Variants in FHIT observed in about 807,000 individuals in gnomAD.
FHIT encodes the protein bis(5'-adenosyl)-triphosphatase.
Under a neutral mutation model 17.9 loss-of-function variants are expected in FHIT, and 19 were observed. The ratio of observed to expected loss-of-function variants is 1.06; its 90% CI spans 0.74 to 1.56. FHIT has a LOEUF of 1.56. FHIT is among the 40% of genes most tolerant of loss of function. The probability of loss-of-function intolerance (pLI) is 0.00; values close to 1 mark genes in which losing one functional copy is unlikely to be tolerated. For missense variants in FHIT, 248 were observed against 189.2 expected (o/e 1.31, Z -1.82); for synonymous variants, 81 against 69.7 (o/e 1.16, Z -0.81).
intron 4 of FHIT, among the ~76,000 whole-genome samples, chr3:60,737,636 G>C (rs1553712932): frequency 6.6e-6 from 1 of 152,122 alleles, no homozygotes; most frequent in East Asian, 1.9e-4. Flanking sequence ...TGCATCGTAT[G>C]GTGCAATTCT....
At chr3:60,606,865 G>A (rs782169276) in intron 4 of FHIT, among the ~76,000 whole-genome samples, 6 of 152,028 alleles carry the variant, frequency 3.9e-5, no homozygotes, top group African/African-American at 1.5e-4. Context: ...TCTTGATTCT[G>A]TTAACTCCCC....
At chr3:60,741,268 C>G (rs1274929865) in intron 4 of FHIT, among the ~76,000 whole-genome samples, 1 of 152,212 alleles carries the variant, frequency 6.6e-6, no homozygotes, top group African/African-American at 2.4e-5. Context: ...TGTTTCAGCA[C>G]CTACTGTGTT....
intron 5 of FHIT, chr3:60,077,278 A>G (rs1403620090): frequency 6.6e-6 from 1 of 152,056 alleles, no homozygotes; most frequent in Non-Finnish European, 1.5e-5. Context: ...TATGTGTATA[A>G]GTACACATGC....
At chr3:60,051,258 C>T (rs1265913136) in intron 5 of FHIT, among the ~76,000 whole-genome samples, 3 of 151,520 alleles carry the variant, frequency 2.0e-5, no homozygotes, top group Non-Finnish European at 4.4e-5. Flanking sequence ...AATTTGAGTC[C>T]CTACCTAAGG....
At position 59,749,339 on chromosome 3, in the gene FHIT, G is replaced by T. The variant is rs912743855; in HGVS notation, c.*246C>A. ...AGCAGAGAAGGAAGTTTAATCATAA[G>T]GCTGCCGAATAAGGAGACAGGGGGA... On this transcript the variant is annotated 3_prime_UTR_variant, in exon 10 of 10. Transcript: ENST00000492590. 1.3e-5 allele frequency: 3 copies of T among 231,276 alleles called. No homozygotes were observed. In the Admixed American group the frequency reaches 1.7e-4, roughly 13 times the overall value. 14.3% of individuals were successfully genotyped at this position (231,276 alleles called of 1,614,324 possible).
chr3:60,213,707 T>A (rs1008711293), intron 5 of FHIT, among the ~76,000 whole-genome samples: 2 of 152,206 alleles, frequency 1.3e-5, no homozygotes, highest in Non-Finnish European at 2.9e-5. Context: ...GAAACCAGAA[T>A]TTTTATTGTA....
intron 5 of FHIT, among the ~76,000 whole-genome samples, chr3:60,280,127 T>C (rs1383937579): frequency 2.0e-5 from 3 of 149,278 alleles, no homozygotes; most frequent in Admixed American, 1.3e-4. Context: ...AGAAAAATCA[T>C]ATAATAGCAA....
chr3:60,642,737 G>A (rs74809729), intron 4 of FHIT, among the ~76,000 whole-genome samples: 1 of 151,746 alleles, frequency 6.6e-6, no homozygotes, highest in Non-Finnish European at 1.5e-5. Context: ...CACCTCCCCC[G>A]CTCCAGGGGT....
At chr3:59,952,141 A>C (rs1707147235) in intron 7 of FHIT, among the ~76,000 whole-genome samples, 1 of 152,048 alleles carries the variant, frequency 6.6e-6, no homozygotes, top group African/African-American at 2.4e-5. Context: ...ACTACCTTCT[A>C]CTTTAGCTAC....
intron 3 of FHIT, among the ~76,000 whole-genome samples, chr3:61,003,610 C>T (rs1243661751): frequency 1.3e-5 from 2 of 152,136 alleles, no homozygotes; most frequent in African/African-American, 2.4e-5. Flanking sequence ...AGGTAAAACA[C>T]GATTACCAGG....
In FHIT at chr3:60,536,903, T is replaced by C. The variant is rs909836947; in HGVS notation, c.60A>G (p.Glu20=). The change falls in exon 5 of 10, where the codon GAA becomes GAG. Residue 20 remains glutamate, a synonymous_variant. Transcript: ENST00000492590. ...IKPSVVFLKT[E]LSFALVNRKP... ...TCCTATTCACAAGAGCGAAGGACAG[T>C]TCTGTTTTGAGAAACACTACAGAGG... 6 of 1,613,334 alleles carry C rather than the reference T, an allele frequency of 3.7e-6. No homozygotes were observed. The highest frequency in any genetic ancestry group is 1.7e-5 in the Admixed American group (1 of 59,942).
chr3:60,323,988 G>A (rs17062756), intron 5 of FHIT, among the ~76,000 whole-genome samples: 1 of 149,350 alleles, frequency 6.7e-6, no homozygotes, highest in East Asian at 1.9e-4. Context: ...AGGTAGGGCA[G>A]TTTTTTTTAA....
At chr3:60,563,134 G>A (rs989858302) in intron 4 of FHIT, among the ~76,000 whole-genome samples, 12 of 152,302 alleles carry the variant, frequency 7.9e-5, no homozygotes, top group East Asian at 1.9e-4. Flanking sequence ...AGCCAAGCAA[G>A]CATGGAGAAA....
At chr3:60,578,446 C>CACACACACAA (rs1197033273) in intron 4 of FHIT, among the ~76,000 whole-genome samples, 1 of 147,150 alleles carries the variant, frequency 6.8e-6, no homozygotes, top group Non-Finnish European at 1.5e-5. Flanking sequence ...ACAAAACACA[C>CACACACACAA]ACACACACAC....
chr3:60,967,917 G>A (rs9879276), intron 3 of FHIT, among the ~76,000 whole-genome samples: 57,089 of 151,904 alleles, frequency 0.38, 11,991 homozygotes, highest in African/African-American at 0.57. Flanking sequence ...ATGCTAATTC[G>A]CCACTACAAT....
At chr3:61,055,025 G>A (rs982543442) in intron 2 of FHIT, among the ~76,000 whole-genome samples, 1 of 152,118 alleles carries the variant, frequency 6.6e-6, no homozygotes, top group Non-Finnish European at 1.5e-5. Context: ...CACATTACAC[G>A]TGCATTTGCA....
At position 60,283,996 on chromosome 3, in the gene FHIT, A is replaced by G. The variant is rs1707593827; in HGVS notation, c.103+252864T>C. 3.3e-5 allele frequency among the ~76,000 whole-genome samples: 5 copies of G among 152,096 alleles called. No homozygotes were observed. The South Asian group carries it at 1.0e-3, about 32-fold the overall frequency. On this transcript the variant is annotated intron_variant, in intron 5 of 9. Coordinates refer to ENST00000492590, the MANE Select transcript of FHIT (RefSeq NM_002012.4). ...TGCCATCCATATATTATAAATAGCCATTAAGTTGAGATAGACAGCTCTGCC... is the reference window on the plus strand; with the variant it reads ...TGCCATCCATATATTATAAATAGCCGTTAAGTTGAGATAGACAGCTCTGCC...
intron 3 of FHIT, among the ~76,000 whole-genome samples, chr3:60,938,983 T>C (rs921806656): frequency 6.6e-6 from 1 of 152,194 alleles, no homozygotes; most frequent in Non-Finnish European, 1.5e-5. Flanking sequence ...CAGAAAACTA[T>C]AGGTGGATAA....
chr3:59,992,710 G>A (rs1321172977), intron 7 of FHIT, among the ~76,000 whole-genome samples: 1 of 152,056 alleles, frequency 6.6e-6, no homozygotes, highest in Non-Finnish European at 1.5e-5. Context: ...TTTGTGCAGA[G>A]AACAGCAGAA....
Sources: gnomAD v4.1 joint callset for allele counts (sites outside exome capture counted in the v4.1 genomes callset) on GRCh38, gnomAD v4.1.1 for gene constraint, MANE v1.5 for transcripts, NCBI Gene and HGNC (gene_info 2026-07-23, HGNC 2026-07-21) for gene names.